The following IKBKB variants were observed in gnomAD, a reference collection of about 807,000 sequenced individuals.
IKBKB encodes the protein inhibitor of nuclear factor kappa-B kinase subunit beta.
A neutral mutation model predicts 113.6 loss-of-function variants in IKBKB; 42 were observed. That is an observed-to-expected ratio of 0.37 (90% CI 0.29 to 0.48). The LOEUF (loss-of-function observed/expected upper bound fraction) is 0.48. Ranked by LOEUF, IKBKB falls within the 20% of genes least tolerant of loss-of-function variation. IKBKB has a pLI of 0.99. For synonymous variants in IKBKB, 296 were observed against 361.3 expected (o/e 0.82, Z 2.05); for missense variants, 673 against 939.7 (o/e 0.72, Z 3.71).
intron 2 of IKBKB, among the ~76,000 whole-genome samples, chr8:42,276,982 T>G (rs1384613229): frequency 1.3e-5 from 2 of 148,668 alleles, no homozygotes; most frequent in Admixed American, 1.4e-4. Flanking sequence ...TTCTCCTGCC[T>G]CAGCCTCCCA....
At chr8:42,285,645 G>C in intron 2 of IKBKB, among the ~76,000 whole-genome samples, 1 of 152,178 alleles carries the variant, frequency 6.6e-6, no homozygotes. Flanking sequence ...CAAAGATCAG[G>C]GTTCTACTAG....
rs1359244124 is a variant in IKBKB at position 42,320,785 on chromosome 8, C to T, written c.1629C>T (p.Asp543=). 1 of 1,610,460 alleles carries T rather than the reference C, an allele frequency of 6.2e-7. No homozygotes were observed. The highest frequency in any genetic ancestry group is 8.5e-7 in the Non-Finnish European group (1 of 1,178,314). The change falls in exon 16 of 22, where the codon GAC becomes GAT. Residue 543 remains aspartate, a synonymous_variant. Coordinates refer to ENST00000520810, the MANE Select transcript of IKBKB (RefSeq NM_001556.3). The stretch of plus-strand genomic sequence containing the variant: ...AACGGATGATGGCTCTGCAGACCGA[C>T]ATTGTGGACTTACAGAGGAGCCCCA... ...LVERMMALQT[D]IVDLQRSPMG... is the part of the protein sequence containing the mutation.
rs1818795501 is a variant in IKBKB at position 42,316,937 on chromosome 8, T to C, written c.1125+33T>C. ...CTGGCTTCGTACACACCATCCTGTT[T>C]ACCTTGGCTGTGCCTCCTGGGAAAC... On this transcript the variant is annotated intron_variant, in intron 11 of 21. Coordinates refer to ENST00000520810, the MANE Select transcript of IKBKB (RefSeq NM_001556.3). The surrounding 1 kb of genome is among the most constrained non-coding windows in gnomAD (Gnocchi z 4.5). 6.3e-7 allele frequency: 1 copy of C among 1,598,534 alleles called. No individual in the cohort carries two copies. Among genetic ancestry groups the C allele is most frequent in the Admixed American group, 1.7e-5 (1 of 59,524 alleles).
rs1819958817 is a variant in IKBKB at position 42,322,513 on chromosome 8, C to A, written c.1986+19C>A. The A allele has an allele frequency of 6.2e-7, 1 of 1,612,998 alleles. No individual in the cohort carries two copies. Among genetic ancestry groups the A allele is most frequent in the Non-Finnish European group, 8.5e-7 (1 of 1,179,726 alleles). On this transcript the variant is annotated intron_variant, in intron 19 of 21. Coordinates refer to ENST00000520810, the MANE Select transcript of IKBKB (RefSeq NM_001556.3). Reference sequence around the variant, plus strand: ...TGCTTGTGTGAGTGAGTGCTGTGGTCCCGGGCCCTTGGCCTAGCAGCCTCC... The same window carrying A: ...TGCTTGTGTGAGTGAGTGCTGTGGTACCGGGCCCTTGGCCTAGCAGCCTCC...
chr8:42,271,924 G>C, intron 1 of IKBKB, 159 bp from the exon 2 acceptor site: 1 of 803,562 alleles, frequency 1.2e-6, no homozygotes, highest in Non-Finnish European at 1.9e-6. Flanking sequence ...ACAAAGTTTG[G>C]ACCAACCAAA....
chr8:42,329,815 T>C (rs1821455800), intron 21 of IKBKB: 1 of 985,416 alleles, frequency 1.0e-6, no homozygotes. Flanking sequence ...TACAGGTACA[T>C]TAAGACAAAG....
intron 5 of IKBKB, among the ~76,000 whole-genome samples, chr8:42,303,919 T>C (rs1351681833): frequency 1.3e-5 from 2 of 152,272 alleles, no homozygotes. Flanking sequence ...CTCTCTTATC[T>C]TTTGGCTTTG....
chr8:42,296,238 T>A (rs1031630877), intron 5 of IKBKB, among the ~76,000 whole-genome samples: 2 of 152,252 alleles, frequency 1.3e-5, no homozygotes, highest in Non-Finnish European at 2.9e-5. Flanking sequence ...GGCTCACGCC[T>A]GTAATCCCAG....
At chr8:42,298,491 T>G (rs932287121) in intron 5 of IKBKB, 7 of 985,174 alleles carry the variant, frequency 7.1e-6, no homozygotes, top group Non-Finnish European at 8.4e-6. Flanking sequence ...GCACATCAGG[T>G]GCACTGTCTA....
At chr8:42,313,998 A>G (rs1818208345) in intron 8 of IKBKB, 1 of 245,736 alleles carries the variant, frequency 4.1e-6, no homozygotes, top group African/African-American at 2.2e-5. Context: ...CCAGTCAACA[A>G]TTGACTGCAT....
At chr8:42,305,348 ACT>A (rs1030904025) in intron 6 of IKBKB, 73 bp downstream of exon 6, 112 of 865,080 alleles carry the variant, frequency 1.3e-4, no homozygotes, top group Non-Finnish European at 2.0e-4. Context: ...AAAGGAGCAC[ACT>A]CTGCATATTT....
intron 2 of IKBKB, among the ~76,000 whole-genome samples, chr8:42,273,419 AATATAT>A (rs140887603): frequency 2.0e-5 from 2 of 101,062 alleles, no homozygotes; most frequent in East Asian, 2.7e-4. Flanking sequence ...TGTCTCAAAA[AATATAT>A]ATATATATAT....
chr8:42,275,279 C>T (rs755610902), intron 2 of IKBKB, among the ~76,000 whole-genome samples: 1 of 151,942 alleles, frequency 6.6e-6, no homozygotes, highest in Non-Finnish European at 1.5e-5. Flanking sequence ...CCTTGACCTC[C>T]TGGGCTCAAA....
chr8:42,294,455 C>T (rs1292856720), intron 5 of IKBKB, among the ~76,000 whole-genome samples: 1 of 152,202 alleles, frequency 6.6e-6, no homozygotes, highest in Non-Finnish European at 1.5e-5. Flanking sequence ...GTAAAGCTGT[C>T]TTCTCTAAGC....
Position 42,318,580 on chromosome 8 carries a change from C to A in IKBKB, c.1269C>A (p.Phe423Leu). Residue 423 changes from phenylalanine (F) to leucine (L), a missense_variant, in exon 13 of 22, where the codon TTC becomes TTA. Phe to Leu is a conservative substitution (Grantham distance 22). Coordinates refer to ENST00000520810, the MANE Select transcript of IKBKB (RefSeq NM_001556.3). ...ILQEPKRNLA[F>L]FQLRKVWGQV... ...AAGAGCCCAAGAGGAATCTCGCCTT[C>A]TTCCAGCTGAGGAAGGTGTGGGGCC... 6.2e-7 allele frequency: 1 copy of A among 1,614,078 alleles called. No individual in the cohort carries two copies. Among genetic ancestry groups the A allele is most frequent in the Non-Finnish European group, 8.5e-7 (1 of 1,179,910 alleles).
At chr8:42,325,097 A>T in intron 19 of IKBKB, 1 of 319,306 alleles carries the variant, frequency 3.1e-6, no homozygotes. Flanking sequence ...CTGGGGGGCT[A>T]CATGGGTGGG....
intron 8 of IKBKB, 84 bp downstream of exon 8, chr8:42,309,109 T>G: frequency 2.8e-6 from 4 of 1,407,300 alleles, no homozygotes; most frequent in Non-Finnish European, 3.9e-6. Flanking sequence ...TGGCGCCCCA[T>G]CACCGGGCCT....
chr8:42,330,971 G>A lies in IKBKB; in HGVS notation c.2263G>A (p.Ala755Thr), dbSNP rs202054179. 17 of 1,614,000 alleles carry A rather than the reference G, an allele frequency of 1.1e-5. No homozygotes were observed. Among genetic ancestry groups the A allele is most frequent in the Middle Eastern group, 3.3e-4 (2 of 6,082 alleles). The change falls in exon 22 of 22, where the codon GCC becomes ACC. Residue 755 changes from alanine to threonine, a missense_variant. Ala to Thr is a moderately conservative substitution (Grantham distance 58). Coordinates refer to ENST00000520810, the MANE Select transcript of IKBKB (RefSeq NM_001556.3). ...EEEEHSCLEQAS is the reference protein window; with the variant it reads ...EEEEHSCLEQTS ...AGAAGAGCACAGCTGCCTGGAGCAG[G>A]CCTCATGATGTGGGGGGACTCGACC...
Position 42,319,265 on chromosome 8 carries a change from T to C in IKBKB, c.1365-5T>C. On this transcript the variant is annotated splice_region_variant and splice_polypyrimidine_tract_variant and intron_variant, in intron 13 of 21. Transcript: ENST00000520810. ...CTCCAAGACTGTTCCTTGTGGTCCC[T>C]GCAGGATGAATCTCCTCCGAAACAA... 1 of 1,614,052 alleles carries C rather than the reference T, an allele frequency of 6.2e-7. No homozygotes were observed. The highest frequency in any genetic ancestry group is 8.5e-7 in the Non-Finnish European group (1 of 1,179,938).
Sources: allele counts gnomAD v4.1 joint callset (sites outside exome capture counted in the v4.1 genomes callset), GRCh38; gene constraint gnomAD v4.1.1; non-coding constraint Gnocchi (gnomAD v3.1); transcripts MANE v1.5; gene names NCBI Gene and HGNC (gene_info 2026-07-23, HGNC 2026-07-21).